The following VPS8 variants were observed in gnomAD, a reference collection of about 807,000 sequenced individuals.
VPS8 encodes the protein VPS8 subunit of CORVET complex, also known as vacuolar protein sorting-associated protein 8 homolog.
A neutral mutation model predicts 216.4 loss-of-function variants in VPS8; 129 were observed. That is an observed-to-expected ratio of 0.60 (90% CI 0.52 to 0.69). The LOEUF (loss-of-function observed/expected upper bound fraction) is 0.69. Ranked by LOEUF, VPS8 falls within the 30% of genes least tolerant of loss-of-function variation. The probability of loss-of-function intolerance (pLI) is 0.00; values close to 1 mark genes in which losing one functional copy is unlikely to be tolerated. For synonymous variants in VPS8, 571 were observed against 565.4 expected (o/e 1.01, Z -0.14); for missense variants, 1,531 against 1,683.5 (o/e 0.91, Z 1.59).
Position 184,966,681 on chromosome 3 carries a change from G to A in VPS8, c.3284G>A (p.Ser1095Asn). Residue 1095 changes from serine (S) to asparagine (N), a missense_variant, in exon 39 of 48, where the codon AGC becomes AAC. Physicochemically the swap from Ser to Asn is conservative, Grantham distance 46 (BLOSUM62 1). This residue lies in a region of VPS8 where 1,318 missense variants were observed against 1,468.4 expected (regional missense o/e 0.90). Coordinates refer to ENST00000625842, the MANE Select transcript of VPS8 (RefSeq NM_001009921.3). ...CTTTTTATCTCCTAGAGACTACAAA[G>A]CAAACTTCAAGAGGTAACACATCAA... ...AFLIMLERLQ[S>N]KLQEVTHQGE... The A allele has an allele frequency of 6.3e-7, 1 of 1,593,926 alleles. No homozygotes were observed.
At chr3:185,029,885 A>G (rs1024054128) in intron 46 of VPS8, among the ~76,000 whole-genome samples, 3 of 152,212 alleles carry the variant, frequency 2.0e-5, no homozygotes, top group Non-Finnish European at 4.4e-5. Flanking sequence ...TCTTTTTACT[A>G]GCATTTTGCA....
chr3:185,029,084 C>G (rs1042871212), intron 46 of VPS8, among the ~76,000 whole-genome samples: 14 of 152,162 alleles, frequency 9.2e-5, no homozygotes, highest in Admixed American at 3.9e-4. Context: ...TGAGATTTAC[C>G]TGAAGATCAA....
At chr3:184,828,015 G>A (rs1046248159) in intron 3 of VPS8, among the ~76,000 whole-genome samples, 2 of 152,108 alleles carry the variant, frequency 1.3e-5, no homozygotes, top group Non-Finnish European at 2.9e-5. Flanking sequence ...GAAAAGGGCC[G>A]AAGTAGAAAA....
chr3:184,938,761 C>G (rs993933623), intron 35 of VPS8, among the ~76,000 whole-genome samples: 2 of 151,004 alleles, frequency 1.3e-5, no homozygotes, highest in Non-Finnish European at 2.9e-5. Context: ...GGCACAGTGG[C>G]TCACACCTAT....
chr3:185,027,248 T>C (rs1757505618), intron 46 of VPS8, among the ~76,000 whole-genome samples: 1 of 141,228 alleles, frequency 7.1e-6, no homozygotes, highest in Non-Finnish European at 1.5e-5. Flanking sequence ...TTTTTTTTTT[T>C]TTTTTTTTTT....
intron 46 of VPS8, among the ~76,000 whole-genome samples, chr3:185,032,135 G>A (rs1375645021): frequency 2.6e-5 from 4 of 152,046 alleles, no homozygotes; most frequent in African/African-American, 7.2e-5. Flanking sequence ...TTGCACTCTA[G>A]CCTGGACAAC....
intron 40 of VPS8, among the ~76,000 whole-genome samples, chr3:184,976,399 T>G (rs1220129552): frequency 1.3e-5 from 2 of 152,148 alleles, no homozygotes; most frequent in East Asian, 3.8e-4. Flanking sequence ...TTTTTGTTTT[T>G]TCATTTAACT....
At chr3:185,047,545 C>T (rs757107986) in intron 46 of VPS8, among the ~76,000 whole-genome samples, 7 of 152,150 alleles carry the variant, frequency 4.6e-5, no homozygotes, top group Non-Finnish European at 8.8e-5. Flanking sequence ...CAAAGAAAAA[C>T]GTCCTTTTAC....
intron 22 of VPS8, among the ~76,000 whole-genome samples, 172 bp from the exon 23 acceptor site, chr3:184,894,531 T>TATATATATAC (rs1186136967): frequency 4.1e-4 from 41 of 98,972 alleles, no homozygotes; most frequent in Middle Eastern, 6.1e-3. Flanking sequence ...TATATATATA[T>TATATATATAC]ACACACACAC....
At chr3:184,970,752 T>G (rs993795134) in intron 39 of VPS8, among the ~76,000 whole-genome samples, 3 of 152,166 alleles carry the variant, frequency 2.0e-5, no homozygotes, top group Admixed American at 6.5e-5. Flanking sequence ...CTGTTTGAAC[T>G]TGTGCTTAAG....
intron 46 of VPS8, among the ~76,000 whole-genome samples, chr3:185,032,008 A>G (rs868265948): frequency 1.3e-5 from 2 of 152,176 alleles, no homozygotes; most frequent in Non-Finnish European, 2.9e-5. Flanking sequence ...TACTAAAAAT[A>G]CAAAAATTAG....
At chr3:184,978,536 G>C (rs773883809) in intron 40 of VPS8, among the ~76,000 whole-genome samples, 8 of 151,810 alleles carry the variant, frequency 5.3e-5, no homozygotes, top group Non-Finnish European at 7.4e-5. Flanking sequence ...GAGTAGCTGG[G>C]ACTATAGGCA....
intron 15 of VPS8, among the ~76,000 whole-genome samples, chr3:184,860,974 C>G (rs1002420949): frequency 7.2e-5 from 11 of 151,838 alleles, no homozygotes; most frequent in South Asian, 4.2e-4. Flanking sequence ...GGTGCCCCCC[C>G]ATCACGCCTG....
At chr3:184,980,372 TG>T (rs1479531989) in intron 40 of VPS8, among the ~76,000 whole-genome samples, 2 of 152,150 alleles carry the variant, frequency 1.3e-5, no homozygotes, top group South Asian at 2.1e-4. Context: ...GGGAAATTTT[TG>T]TGGACAGTAT....
chr3:184,998,203 A>G (rs1752878086), intron 44 of VPS8, among the ~76,000 whole-genome samples: 1 of 152,122 alleles, frequency 6.6e-6, no homozygotes, highest in Admixed American at 6.5e-5. Context: ...GATGGTTTTG[A>G]GGACTGGGGC....
intron 46 of VPS8, among the ~76,000 whole-genome samples, chr3:185,034,233 C>G (rs1758563269): frequency 6.6e-6 from 1 of 152,182 alleles, no homozygotes; most frequent in South Asian, 2.1e-4. Flanking sequence ...TTTTTTATAG[C>G]TGTGTAGTAG....
chr3:184,836,656 A>T (rs1019255906), intron 5 of VPS8, among the ~76,000 whole-genome samples: 1 of 152,186 alleles, frequency 6.6e-6, no homozygotes, highest in African/African-American at 2.4e-5. Flanking sequence ...AGCTCAATTT[A>T]AATTGCATGC....
chr3:184,897,832 T>C (rs1366253762), intron 23 of VPS8, among the ~76,000 whole-genome samples: 4 of 152,180 alleles, frequency 2.6e-5, no homozygotes, highest in African/African-American at 4.8e-5. Flanking sequence ...CTCAAACTCA[T>C]ATCTAGTCCT....
intron 1 of VPS8, among the ~76,000 whole-genome samples, chr3:184,819,794 C>T (rs181265734): frequency 7.2e-5 from 11 of 152,318 alleles, no homozygotes; most frequent in Admixed American, 5.2e-4. Flanking sequence ...TTTACTACTA[C>T]TACCTACTGT....
Sources: allele counts gnomAD v4.1 joint callset (sites outside exome capture counted in the v4.1 genomes callset), GRCh38; gene constraint gnomAD v4.1.1; regional missense constraint gnomAD v4.1.1; transcripts MANE v1.5; gene names NCBI Gene and HGNC (gene_info 2026-07-23, HGNC 2026-07-21).